NRXN1: variants seen among roughly 807,000 people sequenced by gnomAD.
NRXN1 encodes the protein neurexin-1.
NRXN1 carries 39 observed loss-of-function variants against 150.9 expected under a neutral mutation model. The observed-to-expected ratio is 0.26, with a 90% CI of 0.20 to 0.34. The LOEUF (loss-of-function observed/expected upper bound fraction) is 0.34. Among genes scored for constraint, NRXN1 ranks in the 10% least tolerant of loss-of-function variants. The pLI is 1.00. For synonymous variants in NRXN1, 924 were observed against 757.0 expected, an observed-to-expected ratio of 1.22 and a Z score of -3.62; for missense variants, 1,815 against 1,949.9, an observed-to-expected ratio of 0.93 and a Z score of 1.30.
intron 17 of NRXN1, among the ~76,000 whole-genome samples, chr2:50,399,572 C>T (rs74496282): frequency 0.015 from 2,220 of 151,788 alleles, 54 homozygotes; most frequent in African/African-American, 0.049. Context: ...GGCTCTAATT[C>T]ATGGGTGCCC....
At chr2:50,238,272 C>A (rs2065662296) in intron 17 of NRXN1, among the ~76,000 whole-genome samples, 1 of 151,978 alleles carries the variant, frequency 6.6e-6, no homozygotes, top group African/African-American at 2.4e-5. Context: ...CCTCTGTCTT[C>A]TTCTGACTGC....
At chr2:50,137,914 C>G (rs139154185) in intron 18 of NRXN1, among the ~76,000 whole-genome samples, 37 of 152,264 alleles carry the variant, frequency 2.4e-4, no homozygotes, top group African/African-American at 6.5e-4. Flanking sequence ...TTGGTATGTA[C>G]AAACAATTTC....
At chr2:50,236,282 A>G (rs1369263538) in intron 18 of NRXN1, among the ~76,000 whole-genome samples, 1 of 152,096 alleles carries the variant, frequency 6.6e-6, no homozygotes, top group Non-Finnish European at 1.5e-5. Flanking sequence ...GCACAGAAAC[A>G]ATCTTTTTGC....
At chr2:50,043,083 T>C (rs1365219933) in intron 21 of NRXN1, among the ~76,000 whole-genome samples, 2 of 152,198 alleles carry the variant, frequency 1.3e-5, no homozygotes. Context: ...AGTTTACTAA[T>C]AGCATACCAA....
chr2:50,934,262 A>C (rs1688194864), intron 2 of NRXN1, among the ~76,000 whole-genome samples: 1 of 152,174 alleles, frequency 6.6e-6, no homozygotes, highest in Non-Finnish European at 1.5e-5. Context: ...ATAGAAGAAA[A>C]ACATTTATAA....
At chr2:50,947,386 G>A (rs1462781030) in intron 2 of NRXN1, among the ~76,000 whole-genome samples, 2 of 151,672 alleles carry the variant, frequency 1.3e-5, no homozygotes, top group African/African-American at 4.8e-5. Flanking sequence ...AATTTATATT[G>A]AATAATTTAA....
At chr2:50,092,911 T>G (rs1699775290) in intron 18 of NRXN1, among the ~76,000 whole-genome samples, 2 of 152,168 alleles carry the variant, frequency 1.3e-5, no homozygotes, top group African/African-American at 4.8e-5. Context: ...TTAACTTTTT[T>G]AAAAAATCAC....
At chr2:50,771,544 G>A (rs1703010451) in intron 5 of NRXN1, among the ~76,000 whole-genome samples, 1 of 152,016 alleles carries the variant, frequency 6.6e-6, no homozygotes, top group South Asian at 2.1e-4. Flanking sequence ...AGTAGAGGAG[G>A]ACCATTCCAG....
intron 5 of NRXN1, among the ~76,000 whole-genome samples, chr2:50,791,655 G>A (rs910588219): frequency 1.4e-4 from 22 of 152,188 alleles, no homozygotes; most frequent in East Asian, 5.8e-4. Flanking sequence ...AGAGGTTTCC[G>A]TGAAAAAATT....
At chr2:51,011,453 C>T (rs1667846372) in intron 2 of NRXN1, among the ~76,000 whole-genome samples, 1 of 151,892 alleles carries the variant, frequency 6.6e-6, no homozygotes, top group South Asian at 2.1e-4. Context: ...CCAGCATTGT[C>T]CCTGCTGGAG....
At chr2:49,985,506 A>G (rs1314725606) in intron 21 of NRXN1, among the ~76,000 whole-genome samples, 1 of 152,220 alleles carries the variant, frequency 6.6e-6, no homozygotes, top group Non-Finnish European at 1.5e-5. Context: ...TACTCTTTAG[A>G]AAATGTTAGG....
intron 18 of NRXN1, among the ~76,000 whole-genome samples, chr2:50,236,354 G>A (rs2065417867): frequency 6.6e-6 from 1 of 151,856 alleles, no homozygotes. Context: ...ATTTCATGTA[G>A]CTTCAGATAA....
chr2:50,433,385 G>A (rs190043933), intron 17 of NRXN1, among the ~76,000 whole-genome samples: 11 of 152,238 alleles, frequency 7.2e-5, no homozygotes, highest in Admixed American at 3.9e-4. Flanking sequence ...TATATTGCAT[G>A]TATGTTCTGT....
intron 13 of NRXN1, among the ~76,000 whole-genome samples, chr2:50,500,157 C>T (rs1306372799): frequency 1.3e-5 from 2 of 151,918 alleles, no homozygotes; most frequent in Non-Finnish European, 2.9e-5. Flanking sequence ...TTAAATATTA[C>T]CTCCAGTTGT....
chr2:50,612,805 A>T (rs1263383878), intron 8 of NRXN1, among the ~76,000 whole-genome samples: 1 of 152,172 alleles, frequency 6.6e-6, no homozygotes, highest in Non-Finnish European at 1.5e-5. Flanking sequence ...TTGAGGTCTC[A>T]TGAGTTCTCA....
intron 5 of NRXN1, among the ~76,000 whole-genome samples, chr2:50,824,851 CAAG>C (rs1460545427): frequency 9.9e-5 from 15 of 152,162 alleles, no homozygotes; most frequent in Non-Finnish European, 1.5e-5. Context: ...AGATGAATAA[CAAG>C]AGGGAATACT....
chr2:50,841,170 T>G (rs17569799), intron 5 of NRXN1: 28,169 of 152,522 alleles, frequency 0.18, 2,707 homozygotes, highest in Middle Eastern at 0.24. Flanking sequence ...AGACTAAATG[T>G]GGACTTCTAT....
chr2:50,965,865 C>T (rs1693988424), intron 2 of NRXN1, among the ~76,000 whole-genome samples: 1 of 151,370 alleles, frequency 6.6e-6, no homozygotes, highest in Non-Finnish European at 1.5e-5. Flanking sequence ...ATTTTTTAGG[C>T]TTTTTACATA....
chr2:51,026,262 C>T (rs1447477825), intron 2 of NRXN1: 2 of 709,726 alleles, frequency 2.8e-6, no homozygotes, highest in South Asian at 1.7e-5. Context: ...GCCACAAATG[C>T]CATTTATCCA....
Sources: gnomAD v4.1 joint callset for allele counts (sites outside exome capture counted in the v4.1 genomes callset) on GRCh38, gnomAD v4.1.1 for gene constraint, MANE v1.5 for transcripts, NCBI Gene and HGNC (gene_info 2026-07-23, HGNC 2026-07-21) for gene names.